Variants in PRKG1 observed in about 807,000 individuals in gnomAD.
PRKG1 encodes the protein cGMP-dependent protein kinase 1.
Under a neutral mutation model 88.1 loss-of-function variants are expected in PRKG1, and 35 were observed. The ratio of observed to expected loss-of-function variants is 0.40; its 90% CI spans 0.30 to 0.53. The LOEUF is 0.53. PRKG1 is among the 20% of genes least tolerant of loss of function. The probability of loss-of-function intolerance (pLI) is 0.59; values close to 1 mark genes in which losing one functional copy is unlikely to be tolerated. For synonymous variants in PRKG1, 303 were observed against 292.5 expected (o/e 1.04, Z -0.37); for missense variants, 540 against 839.8 (o/e 0.64, Z 4.41).
At chr10:52,063,749 C>T (rs1846291674) in intron 7 of PRKG1, among the ~76,000 whole-genome samples, 1 of 152,138 alleles carries the variant, frequency 6.6e-6, no homozygotes, top group Non-Finnish European at 1.5e-5. Flanking sequence ...GAGGGTAGCT[C>T]CTCTCTGTAG....
At chr10:51,924,798 T>A (rs1842537424) in intron 5 of PRKG1, among the ~76,000 whole-genome samples, 1 of 151,892 alleles carries the variant, frequency 6.6e-6, no homozygotes, top group African/African-American at 2.4e-5. Context: ...GCTCACCAAG[T>A]CTTTCTTCAG....
chr10:51,850,257 A>C (rs909156174), intron 4 of PRKG1, among the ~76,000 whole-genome samples: 7 of 152,096 alleles, frequency 4.6e-5, no homozygotes, highest in Non-Finnish European at 8.8e-5. Flanking sequence ...GCTCACTGCA[A>C]ACTCTGCATC....
intron 2 of PRKG1, among the ~76,000 whole-genome samples, chr10:51,200,176 G>A (rs529508460): frequency 6.6e-6 from 1 of 152,276 alleles, no homozygotes; most frequent in East Asian, 1.9e-4. Flanking sequence ...ACACTTGCCA[G>A]AATCACAGAG....
intron 5 of PRKG1, among the ~76,000 whole-genome samples, chr10:52,030,411 T>C (rs1845446589): frequency 6.6e-6 from 1 of 152,242 alleles, no homozygotes; most frequent in Non-Finnish European, 1.5e-5. Context: ...TTTAAAACTG[T>C]CTGACTCCAC....
intron 2 of PRKG1, among the ~76,000 whole-genome samples, chr10:51,371,480 T>C (rs1410331841): frequency 1.3e-5 from 2 of 152,034 alleles, no homozygotes; most frequent in Non-Finnish European, 2.9e-5. Context: ...ACTGATGTAA[T>C]GAATACAAAA....
intron 2 of PRKG1, among the ~76,000 whole-genome samples, chr10:51,355,949 A>G (rs1041880645): frequency 4.6e-5 from 7 of 152,012 alleles, no homozygotes; most frequent in Non-Finnish European, 1.0e-4. Flanking sequence ...AAAGGGTGGG[A>G]AAAGCCTGAG....
At chr10:52,195,470 C>T (rs1839480361) in intron 9 of PRKG1, among the ~76,000 whole-genome samples, 1 of 152,032 alleles carries the variant, frequency 6.6e-6, no homozygotes, top group Admixed American at 6.6e-5. Flanking sequence ...GGTTGATGAT[C>T]CAAGTCTCTG....
At position 52,283,934 on chromosome 10, in the gene PRKG1, T is replaced by A. The variant is rs547452787; in HGVS notation, c.1709+1618T>A. 9.2e-5 allele frequency among the ~76,000 whole-genome samples: 14 copies of A among 152,124 alleles called. No homozygotes were observed. The South Asian group carries it at 2.9e-3, about 32-fold the overall frequency. ...CACCTATAATAACTAGACTAAAATA[T>A]TAAACATGACAACTTATATTTCTCC... is the stretch of plus-strand genomic sequence containing the variant. On this transcript the variant is annotated intron_variant, in intron 14 of 17. Coordinates refer to ENST00000373980, the MANE Select transcript of PRKG1 (RefSeq NM_006258.4).
At chr10:51,333,301 A>C (rs1841787568) in intron 2 of PRKG1, among the ~76,000 whole-genome samples, 1 of 152,238 alleles carries the variant, frequency 6.6e-6, no homozygotes, top group African/African-American at 2.4e-5. Flanking sequence ...TGAAGATAGT[A>C]AACTTAGCTC....
chr10:51,180,847 T>C (rs548638764), intron 2 of PRKG1, among the ~76,000 whole-genome samples: 1 of 152,310 alleles, frequency 6.6e-6, no homozygotes, highest in African/African-American at 2.4e-5. Flanking sequence ...AGGGTTCAAT[T>C]TGTCTATTTC....
intron 3 of PRKG1, among the ~76,000 whole-genome samples, chr10:51,675,531 A>G (rs1840689086): frequency 6.6e-6 from 1 of 152,210 alleles, no homozygotes; most frequent in African/African-American, 2.4e-5. Flanking sequence ...TCAAAGTTCT[A>G]CATGGTATGG....
At chr10:51,657,539 G>C (rs546384299) in intron 3 of PRKG1, among the ~76,000 whole-genome samples, 5 of 152,234 alleles carry the variant, frequency 3.3e-5, no homozygotes, top group Admixed American at 2.0e-4. Context: ...TTGTGCCCCA[G>C]GATCGTGGAG....
intron 2 of PRKG1, among the ~76,000 whole-genome samples, chr10:51,324,737 T>C (rs1841545207): frequency 6.6e-6 from 1 of 152,076 alleles, no homozygotes; most frequent in Admixed American, 6.5e-5. Flanking sequence ...CGAGACTCCG[T>C]CTCAAAAAAA....
intron 3 of PRKG1, among the ~76,000 whole-genome samples, chr10:51,719,172 G>C (rs1841956798): frequency 6.6e-6 from 1 of 151,424 alleles, no homozygotes; most frequent in African/African-American, 2.4e-5. Context: ...GAGAGAGAGA[G>C]GGAAATTCCA....
intron 8 of PRKG1, among the ~76,000 whole-genome samples, chr10:52,158,368 G>A (rs1838183033): frequency 1.3e-5 from 2 of 151,718 alleles, no homozygotes; most frequent in South Asian, 4.1e-4. Flanking sequence ...ATTTAGAAAA[G>A]CATCTGATAC....
upstream of PRKG1, among the ~76,000 whole-genome samples, chr10:51,074,115 C>T (rs1336061416): frequency 2.0e-5 from 3 of 149,748 alleles, no homozygotes; most frequent in African/African-American, 7.4e-5. Context: ...GTAGCGCTCC[C>T]GCCTCGCTCC....
At chr10:52,131,883 A>G (rs1460968838) in intron 7 of PRKG1, among the ~76,000 whole-genome samples, 4 of 144,444 alleles carry the variant, frequency 2.8e-5, no homozygotes, top group African/African-American at 1.0e-4. Context: ...AATGTGAGGG[A>G]GACACTGGGA....
At chr10:51,092,470 A>G (rs1317115200) in intron 1 of PRKG1, among the ~76,000 whole-genome samples, 1 of 152,178 alleles carries the variant, frequency 6.6e-6, no homozygotes, top group Non-Finnish European at 1.5e-5. Context: ...CCAGTGGGAC[A>G]TAACTGATTT....
intron 5 of PRKG1, among the ~76,000 whole-genome samples, chr10:51,938,586 T>C (rs1842843502): frequency 6.6e-6 from 1 of 151,998 alleles, no homozygotes; most frequent in African/African-American, 2.4e-5. Context: ...CTTTGTATGA[T>C]CCTAATACAT....
Sources: gnomAD v4.1 joint callset for allele counts (sites outside exome capture counted in the v4.1 genomes callset) on GRCh38, gnomAD v4.1.1 for gene constraint, MANE v1.5 for transcripts, NCBI Gene and HGNC (gene_info 2026-07-23, HGNC 2026-07-21) for gene names.